EIPR1: variants seen among roughly 807,000 people sequenced by gnomAD.
EIPR1 encodes the protein EARP complex and GARP complex interacting protein 1.
Under a neutral mutation model 48.1 loss-of-function variants are expected in EIPR1, and 25 were observed. The ratio of observed to expected loss-of-function variants is 0.52; its 90% CI spans 0.38 to 0.73. The LOEUF (loss-of-function observed/expected upper bound fraction) is 0.73, where lower values mean the gene tolerates loss of function less well. Ranked by LOEUF, EIPR1 falls within the 30% of genes least tolerant of loss-of-function variation. The probability of loss-of-function intolerance (pLI) is 0.00; values close to 1 mark genes in which losing one functional copy is unlikely to be tolerated. For synonymous variants in EIPR1, 204 were observed against 201.9 expected, an observed-to-expected ratio of 1.01 and a Z score of -0.09; for missense variants, 415 against 506.2, an observed-to-expected ratio of 0.82 and a Z score of 1.73.
Position 3,312,566 on chromosome 2 carries a change from G to C in EIPR1, c.259+25451C>G, listed in dbSNP as rs563966126. Among the ~76,000 whole-genome samples the C allele has an allele frequency of 3.3e-4, 50 of 152,276 alleles. No homozygotes were observed. Among genetic ancestry groups the C allele is most frequent in the Non-Finnish European group, 4.9e-4 (33 of 68,024 alleles). Reference sequence around the variant, plus strand: ...ACTCAGCACCTGCTCATCATTGTCAGCATGTTTCTGGTCTCTTAAAATTGA... The same window carrying C: ...ACTCAGCACCTGCTCATCATTGTCACCATGTTTCTGGTCTCTTAAAATTGA... On this transcript the variant is annotated intron_variant, in intron 3 of 8. Transcript: ENST00000382125. The surrounding 1 kb of genome is among the most constrained non-coding windows in gnomAD (Gnocchi z 5.5).
chr2:3,278,839 T>C (rs1667935821), intron 3 of EIPR1, among the ~76,000 whole-genome samples: 1 of 152,134 alleles, frequency 6.6e-6, no homozygotes, highest in Admixed American at 6.5e-5. Flanking sequence ...GGCTGCCCTG[T>C]GCAGGGAGGA....
chr2:3,306,209 G>A (rs1476845960), intron 3 of EIPR1, among the ~76,000 whole-genome samples: 1 of 152,078 alleles, frequency 6.6e-6, no homozygotes, highest in Non-Finnish European at 1.5e-5. Flanking sequence ...CCCTTCCCTT[G>A]GCTCCTCTGA....
chr2:3,247,360 A>G (rs937316593), intron 4 of EIPR1, among the ~76,000 whole-genome samples: 2 of 152,186 alleles, frequency 1.3e-5, no homozygotes, highest in African/African-American at 4.8e-5. Context: ...GAACAGCTGG[A>G]GAGCCTCTTT....
At chr2:3,234,409 G>A (rs1250086051) in intron 4 of EIPR1, among the ~76,000 whole-genome samples, 2 of 152,210 alleles carry the variant, frequency 1.3e-5, no homozygotes, top group Non-Finnish European at 2.9e-5. Context: ...CCAAGAGCAG[G>A]CAGGAGTTCT....
At chr2:3,317,294 G>A (rs534772888) in intron 3 of EIPR1, among the ~76,000 whole-genome samples, 30 of 149,414 alleles carry the variant, frequency 2.0e-4, no homozygotes, top group African/African-American at 6.4e-4. Context: ...CCCCAGGAGC[G>A]CACGAGGTGC....
intron 1 of EIPR1, among the ~76,000 whole-genome samples, chr2:3,366,686 G>A (rs1670980289): frequency 6.6e-6 from 1 of 152,150 alleles, no homozygotes; most frequent in African/African-American, 2.4e-5. Context: ...AATAAAAAAA[G>A]ACCAACATAG....
intron 8 of EIPR1, among the ~76,000 whole-genome samples, chr2:3,190,363 C>T (rs1306582939): frequency 1.3e-5 from 2 of 152,190 alleles, no homozygotes; most frequent in East Asian, 1.9e-4. Flanking sequence ...ATGCTTCACC[C>T]CCCCAGCAAG....
At position 3,311,816 on chromosome 2, in the gene EIPR1, G is replaced by C. The variant is rs563871221; in HGVS notation, c.259+26201C>G. Among the ~76,000 whole-genome samples, 6 of 140,606 alleles carry C rather than the reference G, an allele frequency of 4.3e-5. No individual in the cohort carries two copies. In the South Asian group the frequency reaches 7.9e-4, roughly 19 times the overall value. 92.2% of individuals were successfully genotyped at this position (140,606 alleles called of 152,430 possible). On this transcript the variant is annotated intron_variant, in intron 3 of 8. Coordinates refer to ENST00000382125, the MANE Select transcript of EIPR1 (RefSeq NM_003310.5). Reference sequence around the variant, plus strand: ...CATTCGCGGGGTGCTGGGCGGGGGGGCTCTACTCTGGGGCACCAGAGGTGG... The same window carrying C: ...CATTCGCGGGGTGCTGGGCGGGGGGCCTCTACTCTGGGGCACCAGAGGTGG...
chr2:3,269,337 A>G (rs556525306), intron 3 of EIPR1, among the ~76,000 whole-genome samples: 937 of 84,086 alleles, frequency 0.011, 84 homozygotes, highest in African/African-American at 0.015. Context: ...AATCATCATC[A>G]CACTCAGTCA....
chr2:3,214,459 C>T, intron 4 of EIPR1: 1 of 457,368 alleles, frequency 2.2e-6, no homozygotes, highest in Non-Finnish European at 3.9e-6. Context: ...TCCCCAGATT[C>T]ATGTGTGGAA....
chr2:3,355,772 C>A (rs1250273007), intron 1 of EIPR1, among the ~76,000 whole-genome samples: 1 of 151,528 alleles, frequency 6.6e-6, no homozygotes, highest in Non-Finnish European at 1.5e-5. Flanking sequence ...CATGATCAAA[C>A]CACTGCACTC....
intron 4 of EIPR1, among the ~76,000 whole-genome samples, chr2:3,254,396 T>A (rs1386826089): frequency 4.6e-5 from 7 of 152,128 alleles, no homozygotes; most frequent in Admixed American, 4.6e-4. Flanking sequence ...GCAACTGTAG[T>A]CATAATCGCC....
At chr2:3,231,873 C>G (rs1246774187) in intron 4 of EIPR1, among the ~76,000 whole-genome samples, 1 of 152,178 alleles carries the variant, frequency 6.6e-6, no homozygotes, top group Non-Finnish European at 1.5e-5. Flanking sequence ...AGTGTTCCCT[C>G]TTCTTAATTT....
intron 3 of EIPR1, among the ~76,000 whole-genome samples, chr2:3,289,997 A>G (rs1195147403): frequency 6.6e-6 from 1 of 152,242 alleles, no homozygotes; most frequent in African/African-American, 2.4e-5. Context: ...GGGCCCTGCC[A>G]CAGCTCCTGG....
intron 1 of EIPR1, among the ~76,000 whole-genome samples, chr2:3,358,920 C>T (rs902356156): frequency 3.3e-5 from 5 of 152,194 alleles, no homozygotes; most frequent in Admixed American, 1.3e-4. Flanking sequence ...CAGGAGAGGA[C>T]CCACCTCAAA....
chr2:3,295,495 C>CCT (rs1381756044), intron 3 of EIPR1, among the ~76,000 whole-genome samples: 1 of 133,544 alleles, frequency 7.5e-6, no homozygotes, highest in Admixed American at 7.5e-5. Flanking sequence ...CCCATCCTCT[C>CCT]TGCACACATA....
At chr2:3,349,137 A>G (rs1357442598) in intron 2 of EIPR1, among the ~76,000 whole-genome samples, 1 of 152,246 alleles carries the variant, frequency 6.6e-6, no homozygotes, top group Non-Finnish European at 1.5e-5. Flanking sequence ...CATGCCTCAG[A>G]GCTGAACTGC....
At chr2:3,254,758 G>T (rs1667102899) in intron 4 of EIPR1, among the ~76,000 whole-genome samples, 1 of 152,204 alleles carries the variant, frequency 6.6e-6, no homozygotes, top group Non-Finnish European at 1.5e-5. Flanking sequence ...AGGGACCCAG[G>T]GTTGGAGTTG....
chr2:3,249,265 C>G (rs188867294), intron 4 of EIPR1, among the ~76,000 whole-genome samples: 1 of 152,326 alleles, frequency 6.6e-6, no homozygotes, highest in East Asian at 1.9e-4. Flanking sequence ...AATGAGGAAG[C>G]TATTTGAAAC....
Sources: allele counts gnomAD v4.1 joint callset (sites outside exome capture counted in the v4.1 genomes callset), GRCh38; gene constraint gnomAD v4.1.1; non-coding constraint Gnocchi (gnomAD v3.1); transcripts MANE v1.5; gene names NCBI Gene and HGNC (gene_info 2026-07-23, HGNC 2026-07-21).